Variants in PFDN2 observed in about 807,000 individuals in gnomAD.
PFDN2 encodes the protein prefoldin subunit 2.
PFDN2 carries 7 observed loss-of-function variants against 18.3 expected under a neutral mutation model. That is an observed-to-expected ratio of 0.38 (90% CI 0.22 to 0.72). PFDN2 has a LOEUF of 0.72. PFDN2 is among the 30% of genes least tolerant of loss of function. The pLI is 0.47. For synonymous variants in PFDN2, 76 were observed against 75.0 expected, an observed-to-expected ratio of 1.01 and a Z score of -0.07; for missense variants, 181 against 199.1, an observed-to-expected ratio of 0.91 and a Z score of 0.55.
intron 1 of PFDN2, among the ~76,000 whole-genome samples, chr1:161,107,036 C>T (rs537318175): frequency 1.6e-4 from 24 of 152,232 alleles, no homozygotes; most frequent in Admixed American, 4.6e-4. Flanking sequence ...TCTTGAACTC[C>T]TGGGCTCAAG....
At position 161,100,625 on chromosome 1, in the gene PFDN2, A is replaced by G; in HGVS notation, c.*58T>C. Reference sequence around the variant, plus strand: ...TAGCAGAGAAAATAATAATAATAACAATAAAGAGAAATTAGAAGTGGGAGT... The same window carrying G: ...TAGCAGAGAAAATAATAATAATAACGATAAAGAGAAATTAGAAGTGGGAGT... On this transcript the variant is annotated 3_prime_UTR_variant, in exon 4 of 4. Coordinates refer to ENST00000368010, the MANE Select transcript of PFDN2 (RefSeq NM_012394.4). 8.7e-7 allele frequency: 1 copy of G among 1,145,274 alleles called. No individual in the cohort carries two copies. The highest frequency in any genetic ancestry group is 1.6e-5 in the South Asian group (1 of 61,296). The allele number at this position is 1,145,274 out of a possible 1,614,324, so 70.9% of individuals were successfully genotyped here. A position where few individuals can be genotyped will look rare whatever the true frequency, so the allele number is the denominator to read the frequency against.
intron 1 of PFDN2, among the ~76,000 whole-genome samples, chr1:161,108,356 G>A (rs189862854): frequency 1.3e-5 from 2 of 151,568 alleles, no homozygotes; most frequent in Admixed American, 1.3e-4. Flanking sequence ...TACTCAGAAG[G>A]CTGAGGCAGG....
In PFDN2 at chr1:161,104,845, C is replaced by A. The variant is rs575526041; in HGVS notation, c.76-2470G>T. ...ACTGCCAATAAACCAAGGAGTAATA[C>A]TTCACCAAAAACTTGTCATTCCAGC... is the stretch of plus-strand genomic sequence containing the variant. On this transcript the variant is annotated intron_variant, in intron 1 of 3. Transcript: ENST00000368010. 2.0e-5 allele frequency among the ~76,000 whole-genome samples: 3 copies of A among 152,270 alleles called. No homozygotes were observed. In the South Asian group the frequency reaches 6.2e-4, roughly 32 times the overall value.
chr1:161,102,713 A>C (rs1654592859), intron 1 of PFDN2, among the ~76,000 whole-genome samples: 1 of 152,138 alleles, frequency 6.6e-6, no homozygotes, highest in Non-Finnish European at 1.5e-5. Flanking sequence ...TAATCCCAGC[A>C]CTTTGGGAGG....
At position 161,102,166 on chromosome 1, in the gene PFDN2, A is replaced by G; in HGVS notation, c.170T>C (p.Val57Ala). ...LEMELNEHSL[V>A]IDTLKEVDET... Reference sequence around the variant, plus strand: ...ATCTACCTCCTTCAGTGTATCGATCACTAGGCTGGGATAGGAGAACAAGGC... The same window carrying G: ...ATCTACCTCCTTCAGTGTATCGATCGCTAGGCTGGGATAGGAGAACAAGGC... Residue 57 changes from valine to alanine, a missense_variant, in exon 3 of 4, where the codon GTG becomes GCG. Val to Ala is a moderately conservative substitution (Grantham distance 64). Transcript: ENST00000368010. 6.2e-7 allele frequency: 1 copy of G among 1,614,228 alleles called. No homozygotes were observed. The highest frequency in any genetic ancestry group is 8.5e-7 in the Non-Finnish European group (1 of 1,180,022).
intron 1 of PFDN2, among the ~76,000 whole-genome samples, chr1:161,104,447 C>CTTTT (rs550881339): frequency 7.3e-6 from 1 of 137,796 alleles, no homozygotes; most frequent in African/African-American, 2.6e-5. Context: ...TTTTCTTTTT[C>CTTTT]TTTTTTTTTT....
chr1:161,112,346 A>C (rs1280877106), intron 1 of PFDN2, among the ~76,000 whole-genome samples: 1 of 152,224 alleles, frequency 6.6e-6, no homozygotes, highest in Non-Finnish European at 1.5e-5. Context: ...ATGTTGTTCA[A>C]AGCTGAAGTG....
intron 1 of PFDN2, among the ~76,000 whole-genome samples, chr1:161,109,868 G>A (rs376593222): frequency 2.0e-5 from 3 of 152,230 alleles, no homozygotes; most frequent in South Asian, 4.1e-4. Flanking sequence ...TGGCCAACAC[G>A]GTGAAACCCC....
chr1:161,105,887 G>A (rs1654667726), intron 1 of PFDN2, among the ~76,000 whole-genome samples: 1 of 152,094 alleles, frequency 6.6e-6, no homozygotes, highest in Admixed American at 6.5e-5. Context: ...GTTATCTACA[G>A]TTATTATGGA....
intron 1 of PFDN2, among the ~76,000 whole-genome samples, chr1:161,104,690 A>G (rs1383427596): frequency 6.6e-6 from 1 of 151,976 alleles, no homozygotes; most frequent in Non-Finnish European, 1.5e-5. Flanking sequence ...CAGCCTCCCA[A>G]AGTGCTGGGA....
chr1:161,112,278 G>C (rs1024008383), intron 1 of PFDN2, among the ~76,000 whole-genome samples: 89 of 152,272 alleles, frequency 5.8e-4, no homozygotes, highest in African/African-American at 2.1e-3. Flanking sequence ...TCAATAAATA[G>C]TAGCTGCTAT....
intron 1 of PFDN2, among the ~76,000 whole-genome samples, chr1:161,102,585 G>A (rs1360465278): frequency 6.6e-6 from 1 of 152,092 alleles, no homozygotes; most frequent in East Asian, 1.9e-4. Flanking sequence ...AGATATTTGA[G>A]GGCCCACTGA....
Position 161,115,828 on chromosome 1 carries a change from A to T in PFDN2, c.75+2124T>A, listed in dbSNP as rs1034735320. On this transcript the variant is annotated intron_variant, in intron 1 of 3. Coordinates refer to ENST00000368010, the MANE Select transcript of PFDN2 (RefSeq NM_012394.4). ...TTCAATACTATCCCAGGTTTCAGGC[A>T]TCTACTGGGGTCTTGGAATATGTCC... is the stretch of plus-strand genomic sequence containing the variant. Among the ~76,000 whole-genome samples, 9 of 152,302 alleles carry T rather than the reference A, an allele frequency of 5.9e-5. No individual in the cohort carries two copies. The East Asian group carries it at 1.7e-3, about 29-fold the overall frequency.
chr1:161,104,349 A>G (rs1654636812), intron 1 of PFDN2, among the ~76,000 whole-genome samples: 1 of 152,168 alleles, frequency 6.6e-6, no homozygotes, highest in Non-Finnish European at 1.5e-5. Context: ...ATTTGCAAAT[A>G]TCATCTCCAG....
At chr1:161,100,924 C>T in intron 3 of PFDN2, 65 bp from the exon 4 acceptor site, 1 of 1,236,200 alleles carries the variant, frequency 8.1e-7, no homozygotes, top group East Asian at 2.3e-5. Flanking sequence ...CTGGAATGGA[C>T]TATGGTTGGA....
chr1:161,111,012 TG>T (rs1427840368), intron 1 of PFDN2, among the ~76,000 whole-genome samples: 2 of 151,676 alleles, frequency 1.3e-5, no homozygotes, highest in Non-Finnish European at 2.9e-5. Flanking sequence ...GCTAACTTTT[TG>T]TATTTTTTAG....
intron 1 of PFDN2, among the ~76,000 whole-genome samples, chr1:161,103,471 C>T (rs1029692143): frequency 2.0e-5 from 3 of 151,406 alleles, no homozygotes; most frequent in Admixed American, 6.6e-5. Context: ...GGGCAGATCA[C>T]CAGGTCAGGA....
chr1:161,114,840 C>G (rs1349679306), intron 1 of PFDN2, among the ~76,000 whole-genome samples: 1 of 152,194 alleles, frequency 6.6e-6, no homozygotes, highest in Non-Finnish European at 1.5e-5. Flanking sequence ...CCCCACAATC[C>G]TACAACCTCG....
chr1:161,104,689 A>G (rs967005447), intron 1 of PFDN2, among the ~76,000 whole-genome samples: 3 of 152,038 alleles, frequency 2.0e-5, no homozygotes, highest in East Asian at 1.9e-4. Flanking sequence ...TCAGCCTCCC[A>G]AAGTGCTGGG....
Sources: gnomAD v4.1 joint callset for allele counts (sites outside exome capture counted in the v4.1 genomes callset) on GRCh38, gnomAD v4.1.1 for gene constraint, MANE v1.5 for transcripts, NCBI Gene and HGNC (gene_info 2026-07-23, HGNC 2026-07-21) for gene names.